Variants in SLC44A5 observed in about 807,000 individuals in gnomAD.
SLC44A5 encodes the protein choline transporter-like protein 5.
In SLC44A5, 57 loss-of-function variants were observed where a neutral mutation model predicts 101.8. The ratio of observed to expected loss-of-function variants is 0.56; its 90% CI spans 0.45 to 0.70. SLC44A5 has a LOEUF of 0.70. SLC44A5 is among the 30% of genes least tolerant of loss of function. SLC44A5 has a pLI of 0.00. For synonymous variants in SLC44A5, 281 were observed against 290.9 expected (o/e 0.97, Z 0.35); for missense variants, 737 against 853.1 (o/e 0.86, Z 1.70).
At chr1:75,374,166 G>A (rs929293288) in intron 3 of SLC44A5, among the ~76,000 whole-genome samples, 161 of 152,316 alleles carry the variant, frequency 1.1e-3, no homozygotes, top group African/African-American at 3.7e-3. Context: ...ATCAGAGGGA[G>A]ACCCAGTAGA....
At chr1:75,430,898 C>G (rs758463456) in intron 2 of SLC44A5, among the ~76,000 whole-genome samples, 1 of 152,222 alleles carries the variant, frequency 6.6e-6, no homozygotes, top group Non-Finnish European at 1.5e-5. Flanking sequence ...TTCCCCACCA[C>G]CTCTCTTGTA....
At chr1:75,292,616 G>C (rs1283209798) in intron 5 of SLC44A5, among the ~76,000 whole-genome samples, 1 of 152,162 alleles carries the variant, frequency 6.6e-6, no homozygotes, top group Non-Finnish European at 1.5e-5. Context: ...GCAGCAAAGT[G>C]ACCCATATCA....
the SLC44A5 span, among the ~76,000 whole-genome samples, chr1:75,667,642 C>T: frequency 6.6e-6 from 1 of 152,096 alleles, no homozygotes; most frequent in Non-Finnish European, 1.5e-5. Context: ...CTAGTACTAA[C>T]CCTATTTTAC....
chr1:75,483,764 T>A (rs967155572), intron 2 of SLC44A5, among the ~76,000 whole-genome samples: 32 of 152,152 alleles, frequency 2.1e-4, no homozygotes, highest in African/African-American at 6.8e-4. Flanking sequence ...AGCTACCTAA[T>A]ACTGGGTAAT....
chr1:75,396,048 A>G (rs570722944), intron 3 of SLC44A5, among the ~76,000 whole-genome samples: 6 of 152,278 alleles, frequency 3.9e-5, no homozygotes, highest in East Asian at 3.9e-4. Context: ...TTCTGATTCA[A>G]TAAGTCTGGG....
chr1:75,555,188 A>G (rs1204497866), intron 1 of SLC44A5, among the ~76,000 whole-genome samples: 3 of 152,176 alleles, frequency 2.0e-5, no homozygotes, highest in Non-Finnish European at 4.4e-5. Flanking sequence ...CATACTAAAT[A>G]ATGTTAATTT....
At chr1:75,481,661 C>T (rs1245203738) in intron 2 of SLC44A5, among the ~76,000 whole-genome samples, 3 of 151,996 alleles carry the variant, frequency 2.0e-5, no homozygotes, top group South Asian at 4.2e-4. Context: ...AAAATGCTCA[C>T]CATCACTGGC....
the SLC44A5 span, among the ~76,000 whole-genome samples, chr1:75,667,190 T>C: frequency 6.6e-6 from 1 of 152,154 alleles, no homozygotes; most frequent in African/African-American, 2.4e-5. Context: ...CCCCATCATC[T>C]CAGCCCAAAA....
chr1:75,669,577 A>G, the SLC44A5 span, among the ~76,000 whole-genome samples: 2 of 152,244 alleles, frequency 1.3e-5, no homozygotes, highest in African/African-American at 4.8e-5. Flanking sequence ...TCTGGGAATG[A>G]AACACTTTAA....
chr1:75,396,673 T>C (rs935745434), intron 2 of SLC44A5, 52 bp from the exon 3 acceptor site: 1 of 1,373,188 alleles, frequency 7.3e-7, no homozygotes. Flanking sequence ...CTGATGACTC[T>C]GAGGTTCTAT....
the SLC44A5 span, among the ~76,000 whole-genome samples, chr1:75,694,689 C>T: frequency 1.2e-4 from 19 of 152,030 alleles, no homozygotes; most frequent in African/African-American, 4.3e-4. Flanking sequence ...AGAAACAATG[C>T]TCATTAAAAT....
intron 1 of SLC44A5, among the ~76,000 whole-genome samples, chr1:75,598,386 A>C (rs211688): frequency 0.78 from 119,002 of 152,140 alleles, 46,934 homozygotes; most frequent in East Asian, 0.94. Flanking sequence ...AAGAGCTAAA[A>C]AGAGAAATAA....
intron 6 of SLC44A5, among the ~76,000 whole-genome samples, chr1:75,264,236 T>C (rs190771792): frequency 6.6e-6 from 1 of 151,934 alleles, no homozygotes; most frequent in African/African-American, 2.4e-5. Flanking sequence ...TCCACATCCC[T>C]GGAGCCCCAT....
At chr1:75,402,435 C>T (rs1442401949) in intron 2 of SLC44A5, 2 of 403,686 alleles carry the variant, frequency 5.0e-6, no homozygotes, top group Non-Finnish European at 1.0e-5. Context: ...CTGTGGCTTC[C>T]AGCAAGATCA....
chr1:75,206,622 C>G (rs1646753074), intron 23 of SLC44A5: 1 of 1,608,306 alleles, frequency 6.2e-7, no homozygotes, highest in African/African-American at 1.3e-5. Flanking sequence ...CTTTCTGCTT[C>G]TGGGGAACTA....
chr1:75,359,757 C>T (rs1036808223), intron 3 of SLC44A5, among the ~76,000 whole-genome samples: 1 of 152,108 alleles, frequency 6.6e-6, no homozygotes, highest in African/African-American at 2.4e-5. Context: ...ACCATTTTCC[C>T]ATAATGACTG....
At chr1:75,613,030 T>C (rs2102190866), upstream of SLC44A5, among the ~76,000 whole-genome samples, 1 of 152,342 alleles carries the variant, frequency 6.6e-6, no homozygotes, top group South Asian at 2.1e-4. Flanking sequence ...ACAGATCTTA[T>C]TCTTCTATCA....
chr1:75,717,337 T>A, the SLC44A5 span, among the ~76,000 whole-genome samples: 1 of 144,214 alleles, frequency 6.9e-6, no homozygotes, highest in Non-Finnish European at 1.5e-5. Flanking sequence ...TGAGACCCTG[T>A]CTCAAAAAAA....
intron 2 of SLC44A5, among the ~76,000 whole-genome samples, chr1:75,403,456 G>C (rs1259930476): frequency 1.3e-5 from 2 of 152,090 alleles, no homozygotes; most frequent in Admixed American, 1.3e-4. Flanking sequence ...GCTCTGGCTG[G>C]CATCTGGCTG....
Sources: allele counts gnomAD v4.1 joint callset (sites outside exome capture counted in the v4.1 genomes callset), GRCh38; gene constraint gnomAD v4.1.1; transcripts MANE v1.5; gene names NCBI Gene and HGNC (gene_info 2026-07-23, HGNC 2026-07-21).